The following MDFIC variants were observed in gnomAD, a reference collection of about 807,000 sequenced individuals.
The protein encoded by MDFIC is MyoD family inhibitor domain containing, also known as myoD family inhibitor domain-containing protein.
A neutral mutation model predicts 23.2 loss-of-function variants in MDFIC; 17 were observed. The ratio of observed to expected loss-of-function variants is 0.73; its 90% confidence interval spans 0.50 to 1.10. The LOEUF is 1.10. Ranked by LOEUF, MDFIC falls within the 50% of genes least tolerant of loss-of-function variation. The pLI is 0.00. For missense variants in MDFIC, 356 were observed against 316.6 expected, an observed-to-expected ratio of 1.12 and a Z score of -0.95; for synonymous variants, 120 against 115.2, an observed-to-expected ratio of 1.04 and a Z score of -0.27.
rs1791809256 is a variant in MDFIC, at chr7:115,016,944, A to G, written c.*1009A>G. ...GGCATACTGAAGTGAGGATTATAAG[A>G]GAAATAAACTCAAAATGCTGTTGGA... On this transcript the variant is annotated 3_prime_UTR_variant, in exon 5 of 5. Transcript: ENST00000393486. 1 of 152,268 alleles carries G rather than the reference A, an allele frequency of 6.6e-6. No homozygotes were observed. Among genetic ancestry groups the G allele is most frequent in the African/African-American group, 2.4e-5 (1 of 41,466 alleles). The allele number at this position is 152,268 out of a possible 1,614,324, so 9.4% of individuals were successfully genotyped here. A position where few individuals can be genotyped will look rare whatever the true frequency, so the allele number is the denominator to read the frequency against.
Position 115,017,893 on chromosome 7 carries a change from A to G in MDFIC, c.*1958A>G, listed in dbSNP as rs1330013651. On this transcript the variant is annotated 3_prime_UTR_variant, in exon 5 of 5. Coordinates refer to ENST00000393486, the MANE Select transcript of MDFIC (RefSeq NM_001166345.3). Reference sequence around the variant, plus strand: ...GCTTTCGCAAACCTAGCCTTTTAAGAGAGGTTTTTAACCTGAAGCATGAGA... The same window carrying G: ...GCTTTCGCAAACCTAGCCTTTTAAGGGAGGTTTTTAACCTGAAGCATGAGA... 1 of 152,078 alleles carries G rather than the reference A, an allele frequency of 6.6e-6. No homozygotes were observed. The highest frequency in any genetic ancestry group is 1.5e-5 in the Non-Finnish European group (1 of 67,900). 9.4% of individuals were successfully genotyped at this position (152,078 alleles called of 1,614,324 possible).
At chr7:114,964,558 T>A (rs1459440443) in intron 3 of MDFIC, among the ~76,000 whole-genome samples, 1 of 145,328 alleles carries the variant, frequency 6.9e-6, no homozygotes, top group Non-Finnish European at 1.5e-5. Context: ...TCCCTTCGCT[T>A]CCCTCCCCTT....
chr7:114,933,253 CTT>C (rs34608476), intron 2 of MDFIC, among the ~76,000 whole-genome samples: 7 of 135,922 alleles, frequency 5.2e-5, no homozygotes, highest in East Asian at 4.3e-4. Flanking sequence ...GTGTTCCATT[CTT>C]TTTTTTTTTT....
At chr7:114,991,078 T>A (rs1791148181) in intron 4 of MDFIC, among the ~76,000 whole-genome samples, 1 of 152,156 alleles carries the variant, frequency 6.6e-6, no homozygotes, top group Non-Finnish European at 1.5e-5. Flanking sequence ...GTGGTTTTGA[T>A]TTGCATTTCT....
Position 115,016,198 on chromosome 7 carries a change from A to C in MDFIC, c.*263A>C. On this transcript the variant is annotated 3_prime_UTR_variant, in exon 5 of 5. Transcript: ENST00000393486. ...GACATTTTGACACCCCCCTTCCCAAATGTTAAATGCCTTCTCCTTTTTACC... is the reference window on the plus strand; with the variant it reads ...GACATTTTGACACCCCCCTTCCCAACTGTTAAATGCCTTCTCCTTTTTACC... The C allele has an allele frequency of 2.6e-6, 1 of 383,110 alleles. No homozygotes were observed. Among genetic ancestry groups the C allele is most frequent in the East Asian group, 5.3e-5 (1 of 18,906 alleles). The allele number at this position is 383,110 out of a possible 1,614,324, so 23.7% of individuals were successfully genotyped here. A position where few individuals can be genotyped will look rare whatever the true frequency, so the allele number is the denominator to read the frequency against.
In MDFIC at chr7:114,922,318, G is replaced by A. The variant is rs896950999; in HGVS notation, c.-426G>A. The A allele has an allele frequency of 1.0e-5, 10 of 984,306 alleles. No homozygotes were observed. Among genetic ancestry groups the A allele is most frequent in the Non-Finnish European group, 1.3e-5 (10 of 762,646 alleles). The allele number at this position is 984,306 out of a possible 1,614,324, so 61.0% of individuals were successfully genotyped here. On this transcript the variant is annotated 5_prime_UTR_variant, in exon 1 of 5. Coordinates refer to ENST00000393486, the MANE Select transcript of MDFIC (RefSeq NM_001166345.3). ...GAGCAACAGAGGGAGAAGTGTTTCA[G>A]GATTGTAGGAGTGGAAGAGGGGAAA...
intron 4 of MDFIC, among the ~76,000 whole-genome samples, chr7:114,993,038 T>G (rs1308721195): frequency 1.3e-5 from 2 of 152,228 alleles, no homozygotes; most frequent in Admixed American, 6.5e-5. Context: ...AGCCTGTTAT[T>G]GGTCTATTCA....
intron 4 of MDFIC, among the ~76,000 whole-genome samples, chr7:115,012,401 G>A (rs1791699502): frequency 6.6e-6 from 1 of 152,124 alleles, no homozygotes; most frequent in African/African-American, 2.4e-5. Flanking sequence ...CACACAACTT[G>A]CACATGTTAA....
intron 3 of MDFIC, among the ~76,000 whole-genome samples, chr7:114,957,495 A>C (rs531219015): frequency 2.6e-5 from 4 of 152,308 alleles, no homozygotes; most frequent in Non-Finnish European, 5.9e-5. Flanking sequence ...TTTACCTAAG[A>C]GTCATATTAA....
chr7:114,984,210 T>A (rs1279098267), intron 4 of MDFIC, among the ~76,000 whole-genome samples: 1 of 152,228 alleles, frequency 6.6e-6, no homozygotes, highest in Non-Finnish European at 1.5e-5. Context: ...TAGTATACAT[T>A]TGCCTCTTAA....
chr7:114,923,628 T>C, intron 2 of MDFIC: 1 of 1,449,858 alleles, frequency 6.9e-7, no homozygotes, highest in Non-Finnish European at 9.1e-7. Flanking sequence ...TGGTTTGTTT[T>C]GAAATAAATA....
Position 115,018,593 on chromosome 7 carries a change from T to A in MDFIC, c.*2658T>A, listed in dbSNP as rs1791842050. 1.3e-5 allele frequency: 2 copies of A among 152,466 alleles called. No individual in the cohort carries two copies. The highest frequency in any genetic ancestry group is 6.5e-5 in the Admixed American group (1 of 15,272). 9.4% of individuals were successfully genotyped at this position (152,466 alleles called of 1,614,324 possible). The stretch of plus-strand genomic sequence containing the variant: ...CAATATATCTTATGATTTCTTAATG[T>A]AAAATGTTTTGTTGAAGTATATGGC... On this transcript the variant is annotated 3_prime_UTR_variant, in exon 5 of 5. Transcript: ENST00000393486.
chr7:114,923,162 T>C (rs1447817617), intron 2 of MDFIC, 35 bp downstream of exon 2: 4 of 1,529,036 alleles, frequency 2.6e-6, no homozygotes, highest in Non-Finnish European at 3.5e-6. Context: ...AGCTTCTTTG[T>C]CATTGTTGCA....
intron 4 of MDFIC, among the ~76,000 whole-genome samples, chr7:114,993,447 G>GA (rs1450710675): frequency 2.0e-5 from 3 of 152,110 alleles, no homozygotes; most frequent in East Asian, 3.8e-4. Context: ...TGATGTTAGG[G>GA]TGTCAATTTA....
At chr7:114,950,558 T>C (rs1794531485) in intron 3 of MDFIC, among the ~76,000 whole-genome samples, 1 of 152,078 alleles carries the variant, frequency 6.6e-6, no homozygotes, top group Admixed American at 6.5e-5. Flanking sequence ...ATAAAACAGG[T>C]ATAGATATAG....
intron 3 of MDFIC, among the ~76,000 whole-genome samples, chr7:114,948,200 T>A (rs113733562): frequency 4.1e-4 from 52 of 127,436 alleles, no homozygotes; most frequent in South Asian, 1.7e-3. Context: ...AGGTTCTAAA[T>A]CACTACAGTA....
chr7:114,960,823 C>T (rs897574844), intron 3 of MDFIC, among the ~76,000 whole-genome samples: 2 of 152,110 alleles, frequency 1.3e-5, no homozygotes, highest in South Asian at 4.2e-4. Context: ...AAAAGGTACA[C>T]ATTTAAAGAG....
intron 3 of MDFIC, among the ~76,000 whole-genome samples, chr7:114,962,807 G>A (rs1018755361): frequency 6.6e-5 from 10 of 152,162 alleles, no homozygotes; most frequent in Non-Finnish European, 1.5e-4. Flanking sequence ...AATCTGAGCA[G>A]ATTCATAAGA....
chr7:114,990,681 TC>T (rs1306410276), intron 4 of MDFIC, among the ~76,000 whole-genome samples: 6 of 152,194 alleles, frequency 3.9e-5, no homozygotes, highest in African/African-American at 1.4e-4. Context: ...CATGAACTCA[TC>T]CTTTTTTATG....
Sources: allele counts gnomAD v4.1 joint callset (sites outside exome capture counted in the v4.1 genomes callset), GRCh38; gene constraint gnomAD v4.1.1; transcripts MANE v1.5; gene names NCBI Gene and HGNC (gene_info 2026-07-23, HGNC 2026-07-21).